Variants in PVALEF observed in about 807,000 individuals in gnomAD.
PVALEF encodes parvalbumin like EF-hand containing, also known as parvalbumin-like EF-hand-containing protein.
Under a neutral mutation model 1.2 loss-of-function variants are expected in PVALEF, and 2 were observed. That is an observed-to-expected ratio of 1.68 (90% CI 0.69 to 5.28). The LOEUF (loss-of-function observed/expected upper bound fraction) is 5.28. PVALEF is among the 30% of genes most tolerant of loss of function. The probability of loss-of-function intolerance (pLI) is 0.06; values close to 1 mark genes in which losing one functional copy is unlikely to be tolerated. For synonymous variants in PVALEF, 16 were observed against 6.5 expected (o/e 2.47, Z -2.24); for missense variants, 35 against 17.7 (o/e 1.97, Z -1.75).
intron 1 of PVALEF, chr17:81,166,110 C>CCGCGCCCCG (rs2061487947): frequency 2.2e-6 from 1 of 463,982 alleles, no homozygotes; most frequent in African/African-American, 2.2e-5. Flanking sequence ...GCGCCGGCCC[C>CCGCGCCCCG]CGCGCCCCGC....
intron 2 of PVALEF, among the ~76,000 whole-genome samples, chr17:81,172,905 C>G (rs903563967): frequency 1.3e-5 from 2 of 152,022 alleles, no homozygotes; most frequent in African/African-American, 2.4e-5. Flanking sequence ...GCAGTCATCT[C>G]AGCTCTGTGT....
intron 2 of PVALEF, among the ~76,000 whole-genome samples, chr17:81,167,357 CTCAT>C (rs1368684443): frequency 3.3e-5 from 5 of 152,272 alleles, no homozygotes; most frequent in Non-Finnish European, 7.3e-5. Context: ...CATTCACTCA[CTCAT>C]TCATTCACTC....
intron 2 of PVALEF, among the ~76,000 whole-genome samples, chr17:81,168,998 T>C (rs376243556): frequency 1.3e-5 from 2 of 152,180 alleles, no homozygotes; most frequent in East Asian, 1.9e-4. Flanking sequence ...TGCTACCACA[T>C]GGATGACACA....
chr17:81,175,830 G>C (rs1297502514), intron 2 of PVALEF, among the ~76,000 whole-genome samples: 1 of 152,096 alleles, frequency 6.6e-6, no homozygotes, highest in African/African-American at 2.4e-5. Context: ...ACTCTTAAAA[G>C]AAAACAGAGC....
rs776703732 is a variant in PVALEF at position 81,165,676 on chromosome 17, A to G, written c.-579A>G. The G allele has an allele frequency of 2.7e-6, 4 of 1,509,142 alleles. No individual in the cohort carries two copies. 93.5% of individuals were successfully genotyped at this position (1,509,142 alleles called of 1,614,324 possible). ...GGCCCACGCAGGCCCTCCGTGCCCC[A>G]GTTACCTGTGCCCTGGAGGCAGCCA... On this transcript the variant is annotated 5_prime_UTR_variant, in exon 1 of 7. Transcript: ENST00000637878.
At chr17:81,176,338 G>A (rs1009868021) in intron 2 of PVALEF, among the ~76,000 whole-genome samples, 2 of 151,992 alleles carry the variant, frequency 1.3e-5, no homozygotes, top group African/African-American at 4.8e-5. Flanking sequence ...GGCCAACATG[G>A]TGAAACCCCG....
chr17:81,178,300 C>T (rs569588536), intron 2 of PVALEF, among the ~76,000 whole-genome samples: 60 of 152,286 alleles, frequency 3.9e-4, no homozygotes, highest in South Asian at 6.2e-4. Context: ...CAGGCCCCCC[C>T]GACCCCGGCA....
rs187923444 is a variant in PVALEF at position 81,166,748 on chromosome 17, G to A, written c.-436G>A. The A allele has an allele frequency of 6.6e-6, 3 of 456,438 alleles. No individual in the cohort carries two copies. Among genetic ancestry groups the A allele is most frequent in the Admixed American group, 4.7e-5 (2 of 42,546 alleles). 28.3% of individuals were successfully genotyped at this position (456,438 alleles called of 1,614,324 possible). A position where few individuals can be genotyped will look rare whatever the true frequency, so the allele number is the denominator to read the frequency against. On this transcript the variant is annotated 5_prime_UTR_variant, in exon 2 of 7. The change creates a new upstream start codon in the 5' untranslated region. Coordinates refer to ENST00000637878, the MANE Select transcript of PVALEF (RefSeq NM_001354639.2). ...TGGCACCTGTGCTGGTGGAGTGGGG[G>A]TGGCTGGCTTTGCACACAGGCCTGC... is the stretch of plus-strand genomic sequence containing the variant.
chr17:81,174,017 T>C (rs1281307097), intron 2 of PVALEF, among the ~76,000 whole-genome samples: 5 of 152,218 alleles, frequency 3.3e-5, no homozygotes, highest in South Asian at 4.1e-4. Context: ...ATCAGTGTGA[T>C]ACACCACATT....
Position 81,166,767 on chromosome 17 carries a change from G to A in PVALEF, c.-417G>A, listed in dbSNP as rs919741685. ...GTGGGGGTGGCTGGCTTTGCACACA[G>A]GCCTGCTCCTGTACCGTGCTGCGAC... On this transcript the variant is annotated 5_prime_UTR_variant, in exon 2 of 7. Transcript: ENST00000637878. 8.8e-6 allele frequency: 4 copies of A among 456,686 alleles called. No homozygotes were observed. Among genetic ancestry groups the A allele is most frequent in the African/African-American group, 6.0e-5 (3 of 50,068 alleles). The allele number at this position is 456,686 out of a possible 1,614,324, so 28.3% of individuals were successfully genotyped here.
chr17:81,169,936 G>A (rs533746729), intron 2 of PVALEF, among the ~76,000 whole-genome samples: 2 of 151,860 alleles, frequency 1.3e-5, no homozygotes, highest in Non-Finnish European at 1.5e-5. Context: ...ATGTGTGTCT[G>A]CATATGTGTA....
Position 81,181,204 on chromosome 17 carries a change from C to T in PVALEF, c.-23C>T, listed in dbSNP as rs1284807654. ...TCCGTGCGTGCACCCCACGAATTGA[C>T]TCCCTATCCACCCAGGACCAGGATG... On this transcript the variant is annotated 5_prime_UTR_variant, in exon 4 of 7. Transcript: ENST00000637878. 1 of 703,196 alleles carries T rather than the reference C, an allele frequency of 1.4e-6. No individual in the cohort carries two copies. The highest frequency in any genetic ancestry group is 2.6e-6 in the Non-Finnish European group (1 of 384,766). 43.6% of individuals were successfully genotyped at this position (703,196 alleles called of 1,614,324 possible).
At chr17:81,181,492 G>A (rs1372666893) in intron 4 of PVALEF, 67 bp from the exon 5 acceptor site, 4 of 491,214 alleles carry the variant, frequency 8.1e-6, no homozygotes, top group African/African-American at 2.0e-5. Context: ...TCCCAGGGCG[G>A]GGTCTTCCCT....
intron 2 of PVALEF, among the ~76,000 whole-genome samples, chr17:81,170,451 A>G (rs898230424): frequency 1.3e-5 from 2 of 151,970 alleles, no homozygotes; most frequent in African/African-American, 4.8e-5. Flanking sequence ...CCTCCTCTTG[A>G]TCACAGCTGC....
In PVALEF at chr17:81,182,761, G is replaced by A. The variant is rs1327090758; in HGVS notation, c.359-204G>A. Among the ~76,000 whole-genome samples the A allele has an allele frequency of 2.0e-5, 3 of 152,358 alleles. No homozygotes were observed. The East Asian group carries it at 5.8e-4, about 29-fold the overall frequency. ...CAACTTGTGACGACCAAGCAGCTGG[G>A]CCCAGGACAAACAGCTCCAGCGTGG... is the stretch of plus-strand genomic sequence containing the variant. On this transcript the variant is annotated intron_variant, in intron 6 of 6. Transcript: ENST00000637878.
In PVALEF at chr17:81,166,825, C is replaced by T. The variant is rs193074911; in HGVS notation, c.-359C>T. 4.4e-6 allele frequency: 2 copies of T among 452,780 alleles called. No homozygotes were observed. The highest frequency in any genetic ancestry group is 4.7e-5 in the Admixed American group (2 of 42,204). 28.0% of individuals were successfully genotyped at this position (452,780 alleles called of 1,614,324 possible). A position where few individuals can be genotyped will look rare whatever the true frequency, so the allele number is the denominator to read the frequency against. On this transcript the variant is annotated 5_prime_UTR_variant, in exon 2 of 7. Transcript: ENST00000637878. ...AAGGAAGAACCTGGCTGAGTCTCCA[C>T]CTGCCGTGGACTGTACCAGGTGCTT...
rs1408990044 is a variant in PVALEF at position 81,166,781 on chromosome 17, C to T, written c.-403C>T. On this transcript the variant is annotated 5_prime_UTR_variant, in exon 2 of 7. Coordinates refer to ENST00000637878, the MANE Select transcript of PVALEF (RefSeq NM_001354639.2). ...CTTTGCACACAGGCCTGCTCCTGTA[C>T]CGTGCTGCGACAGCCATGAAGGAAG... 6.6e-6 allele frequency: 3 copies of T among 456,446 alleles called. No individual in the cohort carries two copies. The highest frequency in any genetic ancestry group is 1.3e-5 in the Non-Finnish European group (3 of 226,686). 28.3% of individuals were successfully genotyped at this position (456,446 alleles called of 1,614,324 possible). A position where few individuals can be genotyped will look rare whatever the true frequency, so the allele number is the denominator to read the frequency against.
intron 2 of PVALEF, among the ~76,000 whole-genome samples, chr17:81,173,280 C>G (rs1567836458): frequency 6.6e-6 from 1 of 152,210 alleles, no homozygotes; most frequent in Admixed American, 6.5e-5. Flanking sequence ...CATGGACAGA[C>G]AGCTGCTCAG....
intron 2 of PVALEF, among the ~76,000 whole-genome samples, chr17:81,172,698 A>C (rs2061524652): frequency 6.6e-6 from 1 of 152,084 alleles, no homozygotes; most frequent in African/African-American, 2.4e-5. Flanking sequence ...CGGGAGGTGG[A>C]GGTTGCAGTG....
Sources: allele counts gnomAD v4.1 joint callset (sites outside exome capture counted in the v4.1 genomes callset), GRCh38; gene constraint gnomAD v4.1.1; transcripts MANE v1.5; gene names NCBI Gene and HGNC (gene_info 2026-07-23, HGNC 2026-07-21).